SAMD4B: variants seen among roughly 807,000 people sequenced by gnomAD.
The protein encoded by SAMD4B is sterile alpha motif domain containing 4B.
SAMD4B carries 5 observed loss-of-function variants against 74.5 expected under a neutral mutation model. That is an observed-to-expected ratio of 0.07 (90% CI 0.04 to 0.14). SAMD4B has a LOEUF of 0.14. SAMD4B is among the 10% of genes least tolerant of loss of function. SAMD4B has a pLI of 1.00. For synonymous variants in SAMD4B, 373 were observed against 374.9 expected, an observed-to-expected ratio of 1.00 and a Z score of 0.06; for missense variants, 608 against 921.8, an observed-to-expected ratio of 0.66 and a Z score of 4.41.
chr19:39,389,560 G>C, downstream of SAMD4B: 1 of 1,614,176 alleles, frequency 6.2e-7, no homozygotes, highest in African/African-American at 1.3e-5. The surrounding 1 kb of genome is among the most constrained non-coding windows in gnomAD (Gnocchi z 5.3). Flanking sequence ...GAGGAGAGCG[G>C]GGGGCAGGAG....
chr19:39,386,053 G>A, downstream of SAMD4B: 1 of 1,613,924 alleles, frequency 6.2e-7, no homozygotes, highest in Non-Finnish European at 8.5e-7. The surrounding 1 kb of genome is among the most constrained non-coding windows in gnomAD (Gnocchi z 6.1). Context: ...CCATCCTCCT[G>A]GGCCGAGTGC....
chr19:39,360,047 G>A (rs1045956272), intron 3 of SAMD4B: 3 of 151,798 alleles, frequency 2.0e-5, no homozygotes, highest in South Asian at 2.1e-4. Flanking sequence ...TTAGCCGGGC[G>A]TCGTGGCGGG....
downstream of SAMD4B, chr19:39,389,316 G>A: frequency 6.2e-7 from 1 of 1,614,084 alleles, no homozygotes; most frequent in Non-Finnish European, 8.5e-7. The surrounding 1 kb of genome is among the most constrained non-coding windows in gnomAD (Gnocchi z 5.3). Context: ...ATGCCATAAC[G>A]GTTGAACTCA....
chr19:39,367,851 C>G (rs927775485), intron 3 of SAMD4B, among the ~76,000 whole-genome samples: 6 of 151,150 alleles, frequency 4.0e-5, no homozygotes, highest in Admixed American at 4.0e-4. Context: ...TGTAACAGTT[C>G]CTACCCAAGC....
At chr19:39,380,563 AC>A (rs1317386090) in intron 10 of SAMD4B, 23 bp from the exon 11 acceptor site, 6 of 1,613,382 alleles carry the variant, frequency 3.7e-6, no homozygotes, top group Non-Finnish European at 5.1e-6. Flanking sequence ...GTAAATTAAC[AC>A]CCTGCCTTCT....
At chr19:39,345,096 CAA>C (rs910960354) in intron 1 of SAMD4B, among the ~76,000 whole-genome samples, 6 of 152,188 alleles carry the variant, frequency 3.9e-5, no homozygotes, top group Admixed American at 3.9e-4. Context: ...GCCCAGCAAT[CAA>C]GAGTTTTTAA....
At chr19:39,370,644 C>T (rs1231439923) in intron 4 of SAMD4B, among the ~76,000 whole-genome samples, 2 of 152,194 alleles carry the variant, frequency 1.3e-5, no homozygotes, top group Non-Finnish European at 2.9e-5. Context: ...ATCTGAGATC[C>T]CTTCCAGTTC....
intron 3 of SAMD4B, among the ~76,000 whole-genome samples, chr19:39,357,994 G>A (rs979692591): frequency 1.3e-5 from 2 of 152,236 alleles, no homozygotes; most frequent in African/African-American, 4.8e-5. Flanking sequence ...TTCTTGGCCA[G>A]ATGCAGTGGC....
chr19:39,388,934 C>G (rs190641515), downstream of SAMD4B: 1 of 1,613,956 alleles, frequency 6.2e-7, no homozygotes, highest in East Asian at 2.2e-5. Flanking sequence ...CTACCTCCCA[C>G]CTTGGGCCTG....
chr19:39,362,014 T>G (rs574188132), intron 3 of SAMD4B, among the ~76,000 whole-genome samples: 1 of 152,302 alleles, frequency 6.6e-6, no homozygotes, highest in South Asian at 2.1e-4. Context: ...GTAGATCCCC[T>G]GCTTTTTTGT....
At chr19:39,377,029 C>T (rs1467238660) in intron 7 of SAMD4B, among the ~76,000 whole-genome samples, 3 of 152,200 alleles carry the variant, frequency 2.0e-5, no homozygotes, top group African/African-American at 7.2e-5. Context: ...TGTCTTTTGA[C>T]TCTACACCTT....
At chr19:39,358,212 A>G (rs1354547958) in intron 3 of SAMD4B, among the ~76,000 whole-genome samples, 1 of 152,210 alleles carries the variant, frequency 6.6e-6, no homozygotes, top group Non-Finnish European at 1.5e-5. Context: ...CGGAGGTTGC[A>G]GTGAGCCAAA....
Position 39,385,697 on chromosome 19 carries a change from C to T in SAMD4B, c.*2170C>T, listed in dbSNP as rs757876411. ...AAAAAAAAAAAACAAACAAAAAAAA[C>T]GAATTCTGACCTTCGTTGTGCTACA... On this transcript the variant is annotated 3_prime_UTR_variant, in exon 14 of 14. Transcript: ENST00000610417. 1.8e-4 allele frequency: 94 copies of T among 513,582 alleles called. No homozygotes were observed. Among genetic ancestry groups the T allele is most frequent in the Middle Eastern group, 4.9e-4 (1 of 2,044 alleles). 31.8% of individuals were successfully genotyped at this position (513,582 alleles called of 1,614,324 possible). A position where few individuals can be genotyped will look rare whatever the true frequency, so the allele number is the denominator to read the frequency against.
At chr19:39,345,363 C>T (rs1462859909) in intron 1 of SAMD4B, among the ~76,000 whole-genome samples, 1 of 152,206 alleles carries the variant, frequency 6.6e-6, no homozygotes, top group African/African-American at 2.4e-5. Flanking sequence ...CAGTTATTTC[C>T]GATTCTACTT....
At position 39,375,982 on chromosome 19, in the gene SAMD4B, C is replaced by G. The variant is rs2077576957; in HGVS notation, c.907+93C>G. On this transcript the variant is annotated intron_variant, in intron 5 of 13. Transcript: ENST00000610417. The surrounding 1 kb of genome is among the most constrained non-coding windows in gnomAD (Gnocchi z 4.1). ...GAGCTTGTAGCTGACACCTGCTTAC[C>G]CCTCTGAGGAGGGGACATGTCTGAG... 6.6e-7 allele frequency: 1 copy of G among 1,506,240 alleles called. No individual in the cohort carries two copies. The highest frequency in any genetic ancestry group is 1.2e-5 in the South Asian group (1 of 80,308). 93.3% of individuals were successfully genotyped at this position (1,506,240 alleles called of 1,614,324 possible).
At chr19:39,387,285 T>C (rs1443510146), downstream of SAMD4B, 2 of 333,836 alleles carry the variant, frequency 6.0e-6, no homozygotes, top group South Asian at 5.0e-5. Context: ...AGAAAAGGTA[T>C]AGTAAAGATA....
chr19:39,385,745 T>C, downstream of SAMD4B: 1 of 583,904 alleles, frequency 1.7e-6, no homozygotes, highest in Non-Finnish European at 3.0e-6. Context: ...CCATTGGCCC[T>C]GCCTCTGGCC....
At chr19:39,347,504 CTG>C (rs1229954535) in intron 1 of SAMD4B, among the ~76,000 whole-genome samples, 1 of 152,198 alleles carries the variant, frequency 6.6e-6, no homozygotes, top group Middle Eastern at 3.2e-3. Flanking sequence ...ATTCTCTGCT[CTG>C]TGATTGTTTG....
chr19:39,360,141 G>T (rs1019584882), intron 3 of SAMD4B: 3 of 151,014 alleles, frequency 2.0e-5, no homozygotes, highest in African/African-American at 7.3e-5. Flanking sequence ...AGCCAAGATT[G>T]TACCACTGCA....
Sources: allele counts gnomAD v4.1 joint callset (sites outside exome capture counted in the v4.1 genomes callset), GRCh38; gene constraint gnomAD v4.1.1; non-coding constraint Gnocchi (gnomAD v3.1); transcripts MANE v1.5; gene names NCBI Gene and HGNC (gene_info 2026-07-23, HGNC 2026-07-21).